RYR1: variants seen among roughly 807,000 people sequenced by gnomAD.
The protein encoded by RYR1 is ryanodine receptor 1.
Under a neutral mutation model 583.5 loss-of-function variants are expected in RYR1, and 342 were observed. The observed-to-expected ratio is 0.59, with a 90% CI of 0.54 to 0.64. The LOEUF (loss-of-function observed/expected upper bound fraction) is 0.64, where lower values mean the gene tolerates loss of function less well. Among genes scored for constraint, RYR1 ranks in the 30% least tolerant of loss-of-function variants. The pLI is 0.00. For missense variants in RYR1, 6,032 were observed against 6,917.2 expected, an observed-to-expected ratio of 0.87 and a Z score of 4.54; for synonymous variants, 2,791 against 2,822.5, an observed-to-expected ratio of 0.99 and a Z score of 0.35.
At position 38,463,757 on chromosome 19, in the gene RYR1, A is replaced by T. The variant is rs1967921623; in HGVS notation, c.2693A>T (p.Asp898Val). Residue 898 changes from aspartate (D) to valine (V), a missense_variant, in exon 22 of 106, where the codon GAC becomes GTC. Asp to Val is a radical substitution (Grantham distance 152). Around this residue, in one of 11 missense-constraint regions of RYR1, gnomAD observed 2,627 missense variants for 2,961.3 expected, o/e 0.89. Coordinates refer to ENST00000359596, the MANE Select transcript of RYR1 (RefSeq NM_000540.3). Reference protein sequence around the residue: ...QGWTYGPVRDDNKRLHPCLVD... With the variant: ...QGWTYGPVRDVNKRLHPCLVD... The stretch of plus-strand genomic sequence containing the variant: ...CTGGGTTTTCTCCAGGTTCGGGATG[A>T]CAACAAGAGGCTGCACCCGTGTCTT... 6.2e-7 allele frequency: 1 copy of T among 1,614,110 alleles called. No individual in the cohort carries two copies. The highest frequency in any genetic ancestry group is 8.5e-7 in the Non-Finnish European group (1 of 1,180,010).
At chr19:38,550,229 C>A (rs1972609513) in intron 89 of RYR1, among the ~76,000 whole-genome samples, 1 of 152,074 alleles carries the variant, frequency 6.6e-6, no homozygotes, top group African/African-American at 2.4e-5. Flanking sequence ...TCGTCAATGT[C>A]TTTTCTTTGC....
In RYR1 at chr19:38,578,263, TCCCAA is replaced by T. The variant is rs1387726252; in HGVS notation, c.14364+61_14364+65del. 3.8e-6 allele frequency: 6 copies of T among 1,567,648 alleles called. No homozygotes were observed. In the Admixed American group the frequency reaches 9.0e-5, roughly 24 times the overall value. On this transcript the variant is annotated intron_variant, in intron 99 of 105. Transcript: ENST00000359596. ...TGCAGGGGTGGGGCGTTAGGAGGGT[TCCCAA>T]CGTCGGGTGTTCCTGACCAAAGAAT...
In RYR1 at chr19:38,468,048, T is replaced by TC. The variant is rs1555774295; in HGVS notation, c.3381+237dup. Reference sequence around the variant, plus strand: ...ATTCATCCATCCATCCATCCATCCATCATCCATCCATCCATCCATCCATCC... The same window carrying TC: ...ATTCATCCATCCATCCATCCATCCATCCATCCATCCATCCATCCATCCATCC... On this transcript the variant is annotated intron_variant, in intron 25 of 105. Coordinates refer to ENST00000359596, the MANE Select transcript of RYR1 (RefSeq NM_000540.3). 0.22 allele frequency among the ~76,000 whole-genome samples: 14,309 copies of TC among 65,676 alleles called. 821 individuals are homozygous for TC. Among genetic ancestry groups the TC allele is most frequent in the East Asian group, 0.4 (1,107 of 2,748 alleles). 43.1% of individuals were successfully genotyped at this position (65,676 alleles called of 152,430 possible).
At chr19:38,476,487 G>A (rs1484896993) in intron 29 of RYR1, among the ~76,000 whole-genome samples, 16 of 151,968 alleles carry the variant, frequency 1.1e-4, no homozygotes, top group African/African-American at 3.9e-4. Context: ...ATGAGCCACC[G>A]TGCCTGGCCT....
chr19:38,453,102 G>T, intron 13 of RYR1, 88 bp downstream of exon 13: 1 of 1,394,662 alleles, frequency 7.2e-7, no homozygotes, highest in Non-Finnish European at 1.0e-6. Context: ...GGCGGGGCAG[G>T]GCCTGAGGGA....
rs190401971 is a variant in RYR1, at chr19:38,575,035, G to A, written c.14130-884G>A. Among the ~76,000 whole-genome samples the A allele has an allele frequency of 1.0e-2, 1,290 of 129,330 alleles. 7 individuals carry two copies. The highest frequency in any genetic ancestry group is 0.015 in the Non-Finnish European group (937 of 63,908). The allele number at this position is 129,330 out of a possible 152,430, so 84.8% of individuals were successfully genotyped here. On this transcript the variant is annotated intron_variant, in intron 96 of 105. Transcript: ENST00000359596. The stretch of plus-strand genomic sequence containing the variant: ...AGCCTGGGCGACAGAGCGAGACTCC[G>A]TCTCAAAAAAAAAAAAAAAAAACTC...
At chr19:38,495,103 C>T (rs183475007) in intron 39 of RYR1, among the ~76,000 whole-genome samples, 6 of 152,014 alleles carry the variant, frequency 3.9e-5, no homozygotes, top group Admixed American at 2.0e-4. Flanking sequence ...CCACCCGCCT[C>T]GGCCTCCCAA....
chr19:38,495,251 G>A (rs553928741), intron 39 of RYR1, among the ~76,000 whole-genome samples: 2 of 152,118 alleles, frequency 1.3e-5, no homozygotes, highest in Non-Finnish European at 2.9e-5. Flanking sequence ...GAGCTCATGC[G>A]AATAATAATA....
rs758982648 is a variant in RYR1, at chr19:38,519,211, C to CA, written c.10019-2dup. On this transcript the variant is annotated splice_region_variant and splice_polypyrimidine_tract_variant and intron_variant, in intron 66 of 105. Transcript: ENST00000359596. ...GGCATCAGAGCCCATCGCACCCCTG[C>CA]AGTGTTCGCACAGCCCATTGTGAGC... The CA allele has an allele frequency of 1.3e-5, 21 of 1,614,110 alleles. No homozygotes were observed. The South Asian group carries it at 2.3e-4, about 18-fold the overall frequency.
intron 35 of RYR1, among the ~76,000 whole-genome samples, chr19:38,489,873 AC>A (rs1466632244): frequency 6.6e-6 from 1 of 152,050 alleles, no homozygotes; most frequent in Non-Finnish European, 1.5e-5. Flanking sequence ...CAGGTGATCC[AC>A]CCACCTCGGC....
intron 91 of RYR1, among the ~76,000 whole-genome samples, chr19:38,566,002 G>GA (rs961189853): frequency 1.3e-5 from 2 of 152,004 alleles, no homozygotes; most frequent in African/African-American, 4.8e-5. Context: ...GAGACTCAGA[G>GA]ATGGAGACCT....
chr19:38,563,751 C>T (rs1006104852), intron 90 of RYR1, among the ~76,000 whole-genome samples: 1 of 152,204 alleles, frequency 6.6e-6, no homozygotes, highest in East Asian at 1.9e-4. Context: ...GGATTTGAAC[C>T]CAGGCAGGCT....
In RYR1 at chr19:38,543,595, A is replaced by G. The variant is rs764025285; in HGVS notation, c.11842A>G (p.Arg3948Gly). ...GGATGTCATTGAAGAGCAGGGCAAG[A>G]GGAACTTCTCCAAAGCCATGTCGGT... is the stretch of plus-strand genomic sequence containing the variant. ...GKDVIEEQGK[R>G]NFSKAMSVAK... Residue 3948 changes from arginine to glycine, a missense_variant, in exon 86 of 106, where the codon AGG becomes GGG. Arg to Gly is a moderately radical substitution (Grantham distance 125). Transcript: ENST00000359596. The surrounding 1 kb of genome is among the most constrained non-coding windows in gnomAD (Gnocchi z 4.4). 1.2e-6 allele frequency: 2 copies of G among 1,614,188 alleles called. No homozygotes were observed. The highest frequency in any genetic ancestry group is 4.5e-5 in the East Asian group (2 of 44,880).
At chr19:38,550,980 C>G (rs1337028270) in intron 89 of RYR1, among the ~76,000 whole-genome samples, 2 of 129,020 alleles carry the variant, frequency 1.6e-5, no homozygotes, top group African/African-American at 5.6e-5. Flanking sequence ...CATTTCATTT[C>G]ATTTTCTCAT....
intron 63 of RYR1, 21 bp from the exon 64 acceptor site, chr19:38,515,005 C>G: frequency 6.3e-7 from 1 of 1,596,016 alleles, no homozygotes; most frequent in Non-Finnish European, 8.6e-7. Flanking sequence ...ATGCCGCAGC[C>G]TCGCCCCCTG....
In RYR1 at chr19:38,499,503, T is replaced by G. The variant is rs1969999795; in HGVS notation, c.7028-132T>G. ...CCTGGGGCTGGCAGGGGCCTGGTGT[T>G]ACCTCTGGAGGTGTTGGGTCCTGGA... On this transcript the variant is annotated intron_variant, in intron 43 of 105. Coordinates refer to ENST00000359596, the MANE Select transcript of RYR1 (RefSeq NM_000540.3). This position sits in a 1 kb window ranked among gnomAD's most constrained non-coding sequence, Gnocchi z 7.3. 2 of 1,107,524 alleles carry G rather than the reference T, an allele frequency of 1.8e-6. No individual in the cohort carries two copies. Among genetic ancestry groups the G allele is most frequent in the Admixed American group, 2.0e-5 (1 of 49,078 alleles). The allele number at this position is 1,107,524 out of a possible 1,614,324, so 68.6% of individuals were successfully genotyped here. A position where few individuals can be genotyped will look rare whatever the true frequency, so the allele number is the denominator to read the frequency against.
Position 38,543,485 on chromosome 19 carries a change from C to T in RYR1, c.11779-47C>T. The T allele has an allele frequency of 6.2e-7, 1 of 1,614,168 alleles. No homozygotes were observed. Among genetic ancestry groups the T allele is most frequent in the South Asian group, 1.1e-5 (1 of 91,086 alleles). On this transcript the variant is annotated intron_variant, in intron 85 of 105. Transcript: ENST00000359596. This position sits in a 1 kb window ranked among gnomAD's most constrained non-coding sequence, Gnocchi z 4.4. ...GTGACTTGGGTCGGGGGCTGCAGGGCCATGGTCGGCCCCAGCACCCCCTCA... is the reference window on the plus strand; with the variant it reads ...GTGACTTGGGTCGGGGGCTGCAGGGTCATGGTCGGCCCCAGCACCCCCTCA...
intron 79 of RYR1, 58 bp from the exon 80 acceptor site, chr19:38,535,083 G>A: frequency 1.9e-6 from 3 of 1,554,958 alleles, no homozygotes; most frequent in Non-Finnish European, 2.6e-6. Context: ...TTTTCTGGTG[G>A]GTGGAACACA....
At position 38,528,027 on chromosome 19, in the gene RYR1, G is replaced by A. The variant is rs1328301250; in HGVS notation, c.10824+243G>A. On this transcript the variant is annotated intron_variant, in intron 73 of 105. Transcript: ENST00000359596. ...TTTAGGTCTAGGGGTGGGGCCTAGA[G>A]GAGATGCGTTGAGTTTGTGGGCAGG... 73 of 621,206 alleles carry A rather than the reference G, an allele frequency of 1.2e-4. 3 individuals are homozygous for A. The South Asian group carries it at 1.2e-3, about 10-fold the overall frequency. 38.5% of individuals were successfully genotyped at this position (621,206 alleles called of 1,614,324 possible).
Sources: gnomAD v4.1 joint callset for allele counts (sites outside exome capture counted in the v4.1 genomes callset) on GRCh38, gnomAD v4.1.1 for gene constraint, gnomAD v4.1.1 regional missense constraint, Gnocchi (gnomAD v3.1) non-coding constraint, MANE v1.5 for transcripts, NCBI Gene and HGNC (gene_info 2026-07-23, HGNC 2026-07-21) for gene names.